Variants in RAD51B observed in about 807,000 individuals in gnomAD.
RAD51B encodes the protein RAD51 paralog B.
A neutral mutation model predicts 42.2 loss-of-function variants in RAD51B; 38 were observed. The observed-to-expected ratio is 0.90, with a 90% CI of 0.70 to 1.18. The LOEUF (loss-of-function observed/expected upper bound fraction) is 1.18, where lower values mean the gene tolerates loss of function less well. Among genes scored for constraint, RAD51B ranks in the 50% most tolerant of loss-of-function variants. The pLI, the probability that RAD51B is intolerant of heterozygous loss-of-function variation, is 0.00. For missense variants in RAD51B, 373 were observed against 400.7 expected, an observed-to-expected ratio of 0.93 and a Z score of 0.59; for synonymous variants, 154 against 145.2, an observed-to-expected ratio of 1.06 and a Z score of -0.43.
intron 7 of RAD51B, among the ~76,000 whole-genome samples, chr14:67,951,110 C>G (rs1367794709): frequency 6.6e-6 from 1 of 152,112 alleles, no homozygotes; most frequent in Non-Finnish European, 1.5e-5. Context: ...GTGACACGGA[C>G]ATGAAATGAG....
intron 7 of RAD51B, among the ~76,000 whole-genome samples, chr14:68,256,957 G>T (rs1416271559): frequency 6.6e-6 from 1 of 152,090 alleles, no homozygotes; most frequent in Non-Finnish European, 1.5e-5. Context: ...CTTTATTTCT[G>T]GAGTATAGGT....
At chr14:68,339,085 T>A (rs1175458839) in intron 8 of RAD51B, 1 of 683,212 alleles carries the variant, frequency 1.5e-6, no homozygotes, top group Non-Finnish European at 2.7e-6. Flanking sequence ...GCTTTCTTGT[T>A]CTCCACCAAG....
At chr14:68,054,851 G>C (rs181872731) in intron 7 of RAD51B, among the ~76,000 whole-genome samples, 1 of 152,280 alleles carries the variant, frequency 6.6e-6, no homozygotes, top group East Asian at 1.9e-4. Context: ...GGGGCGGTTG[G>C]TCTTGGGGAC....
chr14:68,633,421 C>T (rs1892277108), intron 10 of RAD51B, among the ~76,000 whole-genome samples: 1 of 152,086 alleles, frequency 6.6e-6, no homozygotes, highest in Non-Finnish European at 1.5e-5. Flanking sequence ...AAACGGCTGG[C>T]TCCCCCACTG....
chr14:68,468,260 T>C lies in RAD51B; in HGVS notation c.1036+10T>C. The C allele has an allele frequency of 6.2e-7, 1 of 1,607,116 alleles. No homozygotes were observed. The highest frequency in any genetic ancestry group is 8.5e-7 in the Non-Finnish European group (1 of 1,173,638). ...GGCCTGGTTCTTCAAGGTAAGATCCTTGGATTAAGCCATTTCTTTAAGCTT... is the reference window on the plus strand; with the variant it reads ...GGCCTGGTTCTTCAAGGTAAGATCCCTGGATTAAGCCATTTCTTTAAGCTT... On this transcript the variant is annotated intron_variant, in intron 10 of 10. Coordinates refer to ENST00000471583, the MANE Select transcript of RAD51B (RefSeq NM_133510.4).
intron 11 of RAD51B, among the ~76,000 whole-genome samples, chr14:68,660,101 A>G (rs539362351): frequency 1.3e-5 from 2 of 152,358 alleles, no homozygotes; most frequent in South Asian, 4.1e-4. Flanking sequence ...ACAGGAGCAA[A>G]GCCAGGTGAG....
intron 7 of RAD51B, among the ~76,000 whole-genome samples, chr14:68,131,107 A>G (rs894526249): frequency 7.2e-5 from 11 of 152,140 alleles, no homozygotes; most frequent in African/African-American, 2.4e-4. Context: ...CCCTTGTCAC[A>G]TTGTTAGAGA....
intron 7 of RAD51B, among the ~76,000 whole-genome samples, chr14:67,933,122 C>T (rs2044802884): frequency 6.6e-6 from 1 of 152,184 alleles, no homozygotes; most frequent in Admixed American, 6.5e-5. Context: ...GAGATCTTTC[C>T]ACTTGTGAGC....
chr14:67,910,812 G>A (rs1384058966), intron 7 of RAD51B, among the ~76,000 whole-genome samples: 2 of 138,610 alleles, frequency 1.4e-5, no homozygotes, highest in South Asian at 2.2e-4. Flanking sequence ...TGAGCCCAAT[G>A]TCATTTTTTT....
chr14:67,825,561 C>T lies in RAD51B; in HGVS notation c.182C>T (p.Ala61Val), dbSNP rs2140278741. Reference protein sequence around the residue: ...ELLCMVSRACAPKMQTAYGIK... With the variant: ...ELLCMVSRACVPKMQTAYGIK... ...CTATGTATGGTCAGCAGGGCCTGTG[C>T]CCCAAAGATGCAAACGGTATATTTA... Residue 61 changes from alanine to valine, a missense_variant, in exon 3 of 11, where the codon GCC (alanine) becomes GTC (valine). By Grantham distance (64) the Ala-to-Val change is moderately conservative. Transcript: ENST00000471583. 6.2e-7 allele frequency: 1 copy of T among 1,605,866 alleles called. No homozygotes were observed. Among genetic ancestry groups the T allele is most frequent in the Non-Finnish European group, 8.5e-7 (1 of 1,174,478 alleles).
At chr14:68,533,159 T>C (rs746417872) in intron 10 of RAD51B, among the ~76,000 whole-genome samples, 22 of 152,302 alleles carry the variant, frequency 1.4e-4, no homozygotes, top group African/African-American at 3.4e-4. Flanking sequence ...AGAAAATCCA[T>C]TGAATCCACT....
chr14:68,103,057 G>A (rs2077317943), intron 7 of RAD51B, among the ~76,000 whole-genome samples: 1 of 152,072 alleles, frequency 6.6e-6, no homozygotes, highest in African/African-American at 2.4e-5. Flanking sequence ...CAGCATGGGG[G>A]TAACCACCCC....
chr14:68,256,077 G>C (rs943815466), intron 7 of RAD51B, among the ~76,000 whole-genome samples: 1 of 152,176 alleles, frequency 6.6e-6, no homozygotes, highest in African/African-American at 2.4e-5. Context: ...TTATACTGTG[G>C]TCAGTGGAAG....
intron 10 of RAD51B, among the ~76,000 whole-genome samples, chr14:68,584,186 C>G (rs1890345300): frequency 6.6e-6 from 1 of 152,150 alleles, no homozygotes; most frequent in South Asian, 2.1e-4. Flanking sequence ...TCCTCACACT[C>G]CCTGACTCTA....
rs145644532 is a variant in RAD51B, at chr14:68,621,918, C to T, written c.1037-28863C>T. 2.3e-3 allele frequency among the ~76,000 whole-genome samples: 351 copies of T among 152,356 alleles called. 1 individual carries two copies. The highest frequency in any genetic ancestry group is 4.3e-3 in the Non-Finnish European group (293 of 68,034). On this transcript the variant is annotated intron_variant, in intron 10 of 11. Transcript: ENST00000488612. ...CAGGAGGCAGGCCAAGCAGCCCCAACGCCACTCCCCTTTCCCATGTCACTC... is the reference window on the plus strand; with the variant it reads ...CAGGAGGCAGGCCAAGCAGCCCCAATGCCACTCCCCTTTCCCATGTCACTC...
exon 11 of RAD51B, chr14:68,595,324 G>A (rs1370413902): frequency 4.7e-6 from 5 of 1,066,280 alleles, no homozygotes; most frequent in Non-Finnish European, 4.5e-6. Flanking sequence ...AAGCTTGCCT[G>A]CCTTGAAGAA....
intron 7 of RAD51B, among the ~76,000 whole-genome samples, chr14:67,904,788 C>T (rs1199497019): frequency 1.3e-5 from 2 of 151,890 alleles, no homozygotes; most frequent in Non-Finnish European, 2.9e-5. Context: ...TTAATTTCCT[C>T]AAATTCTCTA....
intron 10 of RAD51B, among the ~76,000 whole-genome samples, chr14:68,583,808 C>G (rs1335454210): frequency 1.3e-5 from 2 of 152,220 alleles, no homozygotes; most frequent in African/African-American, 4.8e-5. Flanking sequence ...GACCAGGGAA[C>G]TCCAGGATCA....
At chr14:67,939,525 A>G (rs1361199208) in intron 7 of RAD51B, among the ~76,000 whole-genome samples, 1 of 152,204 alleles carries the variant, frequency 6.6e-6, no homozygotes, top group Non-Finnish European at 1.5e-5. Context: ...AGTGATGATC[A>G]TTGCAGGGAG....
Sources: allele counts gnomAD v4.1 joint callset (sites outside exome capture counted in the v4.1 genomes callset), GRCh38; gene constraint gnomAD v4.1.1; transcripts MANE v1.5; gene names NCBI Gene and HGNC (gene_info 2026-07-23, HGNC 2026-07-21).